Variants in PARK7 observed in about 807,000 individuals in gnomAD.
The protein encoded by PARK7 is Parkinson disease protein 7.
Under a neutral mutation model 20.5 loss-of-function variants are expected in PARK7, and 14 were observed. The ratio of observed to expected loss-of-function variants is 0.68; its 90% CI spans 0.45 to 1.07. The LOEUF is 1.07. PARK7 is among the 50% of genes least tolerant of loss of function. The pLI, the probability that PARK7 is intolerant of heterozygous loss-of-function variation, is 0.00. For missense variants in PARK7, 234 were observed against 238.1 expected (o/e 0.98, Z 0.11); for synonymous variants, 98 against 84.3 (o/e 1.16, Z -0.89).
intron 5 of PARK7, among the ~76,000 whole-genome samples, chr1:7,977,346 C>A (rs564181920): frequency 6.6e-6 from 1 of 152,126 alleles, no homozygotes; most frequent in Admixed American, 6.5e-5. Flanking sequence ...CTCAGCAAAT[C>A]GTTTGTTATA....
chr1:7,975,616 T>C (rs916751241), intron 5 of PARK7, among the ~76,000 whole-genome samples: 20 of 152,314 alleles, frequency 1.3e-4, no homozygotes, highest in African/African-American at 4.8e-4. Context: ...AAGCAGTGAT[T>C]ATGAGCTTAC....
At chr1:7,963,739 T>C (rs1445121752) in intron 2 of PARK7, among the ~76,000 whole-genome samples, 1 of 151,964 alleles carries the variant, frequency 6.6e-6, no homozygotes, top group Non-Finnish European at 1.5e-5. Context: ...CCTTTGTAAA[T>C]TTCTCCAATC....
intron 5 of PARK7, among the ~76,000 whole-genome samples, chr1:7,975,795 G>A (rs1640573332): frequency 6.6e-6 from 1 of 152,130 alleles, no homozygotes; most frequent in African/African-American, 2.4e-5. Context: ...ACTTTAAAAT[G>A]CAAGATGATG....
At chr1:7,973,696 A>C (rs940615203) in intron 5 of PARK7, among the ~76,000 whole-genome samples, 1 of 151,896 alleles carries the variant, frequency 6.6e-6, no homozygotes, top group African/African-American at 2.4e-5. Flanking sequence ...CCTGGGCAAC[A>C]AGAGTGAAAC....
chr1:7,972,997 C>T (rs1235669978), intron 5 of PARK7, among the ~76,000 whole-genome samples: 2 of 152,044 alleles, frequency 1.3e-5, no homozygotes, highest in East Asian at 1.9e-4. Context: ...TTGCAGTGAG[C>T]CGCGATTACG....
rs1330229304 is a variant in PARK7 at position 7,965,235 on chromosome 1, C to T, written c.91-89C>T. The T allele has an allele frequency of 3.3e-6, 4 of 1,209,124 alleles. No homozygotes were observed. The East Asian group carries it at 7.1e-5, about 21-fold the overall frequency. 74.9% of individuals were successfully genotyped at this position (1,209,124 alleles called of 1,614,324 possible). A position where few individuals can be genotyped will look rare whatever the true frequency, so the allele number is the denominator to read the frequency against. On this transcript the variant is annotated intron_variant, in intron 2 of 6. Transcript: ENST00000338639. ...CTAGCCCAGGTGACAGGGTGAGACC[C>T]CATCTCTCTTTTTTCTTTTTTTTTA...
At position 7,984,379 on chromosome 1, in the gene PARK7, A is replaced by G. The variant is rs1165616425; in HGVS notation, c.410-515A>G. 6.6e-6 allele frequency among the ~76,000 whole-genome samples: 1 copy of G among 152,132 alleles called. No individual in the cohort carries two copies. Among genetic ancestry groups the G allele is most frequent in the Non-Finnish European group, 1.5e-5 (1 of 68,016 alleles). ...CTGGAGGTGCGGGGATGCGGAAGGAAAGTAGTCCTTGAGAGGGAATGTGGT... is the reference window on the plus strand; with the variant it reads ...CTGGAGGTGCGGGGATGCGGAAGGAGAGTAGTCCTTGAGAGGGAATGTGGT... On this transcript the variant is annotated intron_variant, in intron 6 of 6. Transcript: ENST00000338639. This position sits in a 1 kb window ranked among gnomAD's most constrained non-coding sequence, Gnocchi z 4.3.
In PARK7 at chr1:7,980,077, C is replaced by T. The variant is rs556422946; in HGVS notation, c.409+2339C>T. Among the ~76,000 whole-genome samples, 25 of 149,380 alleles carry T rather than the reference C, an allele frequency of 1.7e-4. 1 individual carries two copies. The South Asian group carries it at 5.3e-3, about 31-fold the overall frequency. The stretch of plus-strand genomic sequence containing the variant: ...TCAGGAGGCTGAGGCAGGAGAGTGG[C>T]GTGAACCCAAGAGGTGGAGCTTGCA... On this transcript the variant is annotated intron_variant, in intron 6 of 6. Coordinates refer to ENST00000338639, the MANE Select transcript of PARK7 (RefSeq NM_007262.5).
intron 2 of PARK7, among the ~76,000 whole-genome samples, chr1:7,964,272 A>G (rs1640278276): frequency 6.6e-6 from 1 of 152,218 alleles, no homozygotes; most frequent in Non-Finnish European, 1.5e-5. Context: ...CAATGTCGTG[A>G]GTTAGATATC....
chr1:7,965,453 C>G (rs747189595), intron 3 of PARK7, 28 bp downstream of exon 3: 5 of 1,560,962 alleles, frequency 3.2e-6, no homozygotes, highest in South Asian at 1.1e-5. Flanking sequence ...GGAGTTATTC[C>G]TTCATATGGC....
intron 5 of PARK7, chr1:7,971,444 A>G (rs1452353113): frequency 1.1e-5 from 2 of 177,122 alleles, no homozygotes; most frequent in African/African-American, 4.7e-5. Flanking sequence ...ATTATCTGCC[A>G]CATAATTTAG....
chr1:7,983,997 G>T (rs988208547), intron 6 of PARK7, among the ~76,000 whole-genome samples: 3 of 152,218 alleles, frequency 2.0e-5, no homozygotes, highest in Admixed American at 6.5e-5. Context: ...AATAGAATGC[G>T]GTGATAGAGT....
chr1:7,982,583 G>A (rs1640735103), intron 6 of PARK7, among the ~76,000 whole-genome samples: 1 of 145,564 alleles, frequency 6.9e-6, no homozygotes, highest in Non-Finnish European at 1.5e-5. Flanking sequence ...TTTAAGCCCT[G>A]TTTGCGATGT....
In PARK7 at chr1:7,985,059, G is replaced by A. The variant is rs2124006969; in HGVS notation, c.*5G>A. ...CCACTTGTTCTTAAAGACTAGAGCA[G>A]CGAACTGCGACGATCACTTAGAGAA... On this transcript the variant is annotated 3_prime_UTR_variant, in exon 7 of 7. Transcript: ENST00000338639. 14 of 1,613,846 alleles carry A rather than the reference G, an allele frequency of 8.7e-6. No homozygotes were observed. Among genetic ancestry groups the A allele is most frequent in the Non-Finnish European group, 1.2e-5 (14 of 1,179,944 alleles).
At chr1:7,967,096 C>T (rs1640346462) in intron 3 of PARK7, among the ~76,000 whole-genome samples, 1 of 152,132 alleles carries the variant, frequency 6.6e-6, no homozygotes, top group Non-Finnish European at 1.5e-5. Flanking sequence ...CCTCTAGTAT[C>T]CTCTGTCCTA....
At chr1:7,969,871 C>T (rs906176036) in intron 4 of PARK7, among the ~76,000 whole-genome samples, 1 of 152,172 alleles carries the variant, frequency 6.6e-6, no homozygotes, top group African/African-American at 2.4e-5. Context: ...AGCCACCACT[C>T]CCGACCTCAA....
intron 6 of PARK7, among the ~76,000 whole-genome samples, chr1:7,979,077 C>T (rs865958276): frequency 6.6e-5 from 10 of 152,212 alleles, no homozygotes; most frequent in Middle Eastern, 3.4e-3. Context: ...ATGTGCCATG[C>T]TGTATGTAAC....
chr1:7,970,973 A>AG lies in PARK7; in HGVS notation c.322+14dup, dbSNP rs763066172. The AG allele has an allele frequency of 1.1e-5, 18 of 1,614,110 alleles. 1 individual carries two copies. The South Asian group carries it at 1.6e-4, about 15-fold the overall frequency. On this transcript the variant is annotated intron_variant, in intron 5 of 6. Coordinates refer to ENST00000338639, the MANE Select transcript of PARK7 (RefSeq NM_007262.5). ...GCCGCCATCTGTGCAGGTGACGTGCAGGGGCAGCCTGTGTTGCAGCGTCAT... is the reference window on the plus strand; with the variant it reads ...GCCGCCATCTGTGCAGGTGACGTGCAGGGGGCAGCCTGTGTTGCAGCGTCAT...
In PARK7 at chr1:7,985,422, T is replaced by G. The variant is rs1640799086; in HGVS notation, c.*368T>G. 1 of 307,068 alleles carries G rather than the reference T, an allele frequency of 3.3e-6. No homozygotes were observed. The highest frequency in any genetic ancestry group is 3.0e-5 in the South Asian group (1 of 33,402). The allele number at this position is 307,068 out of a possible 1,614,324, so 19.0% of individuals were successfully genotyped here. Reference sequence around the variant, plus strand: ...TTTTACACAGCAAGGAGGAAAGGCATACAAACAGAATTTAAGAGGCTTGTG... The same window carrying G: ...TTTTACACAGCAAGGAGGAAAGGCAGACAAACAGAATTTAAGAGGCTTGTG... On this transcript the variant is annotated 3_prime_UTR_variant, in exon 7 of 7. Coordinates refer to ENST00000338639, the MANE Select transcript of PARK7 (RefSeq NM_007262.5).
Sources: allele counts gnomAD v4.1 joint callset (sites outside exome capture counted in the v4.1 genomes callset), GRCh38; gene constraint gnomAD v4.1.1; non-coding constraint Gnocchi (gnomAD v3.1); transcripts MANE v1.5; gene names NCBI Gene and HGNC (gene_info 2026-07-23, HGNC 2026-07-21).